The following MYL2 variants were observed in gnomAD, a reference collection of about 807,000 sequenced individuals.
The protein encoded by MYL2 is myosin light chain 2.
MYL2 carries 19 observed loss-of-function variants against 23.0 expected under a neutral mutation model. The ratio of observed to expected loss-of-function variants is 0.83; its 90% CI spans 0.58 to 1.21. The LOEUF (loss-of-function observed/expected upper bound fraction) is 1.21, where lower values mean the gene tolerates loss of function less well. MYL2 is among the 50% of genes most tolerant of loss of function. The probability of loss-of-function intolerance (pLI) is 0.00; values close to 1 mark genes in which losing one functional copy is unlikely to be tolerated. For synonymous variants in MYL2, 78 were observed against 76.2 expected (o/e 1.02, Z -0.13); for missense variants, 180 against 215.1 (o/e 0.84, Z 1.02).
chr12:110,917,494 A>G lies in MYL2; in HGVS notation c.93+1610T>C, dbSNP rs536156115. 2.7e-5 allele frequency among the ~76,000 whole-genome samples: 4 copies of G among 146,522 alleles called. No homozygotes were observed. The East Asian group carries it at 6.4e-4, about 23-fold the overall frequency. On this transcript the variant is annotated intron_variant, in intron 2 of 6. Coordinates refer to ENST00000228841, the MANE Select transcript of MYL2 (RefSeq NM_000432.4). ...ACCTGTAATCCCATTTACTCAGACAAACAAACAAACAAACAAACAAACAAA... is the reference window on the plus strand; with the variant it reads ...ACCTGTAATCCCATTTACTCAGACAGACAAACAAACAAACAAACAAACAAA...
chr12:110,921,013 TC>T (rs1357244862), upstream of MYL2, among the ~76,000 whole-genome samples: 8 of 152,214 alleles, frequency 5.3e-5, no homozygotes, highest in African/African-American at 1.9e-4. Context: ...CTTCACTGCA[TC>T]TTTGCTCATA....
At chr12:110,915,889 T>C in intron 2 of MYL2, 99 bp from the exon 3 acceptor site, 1 of 944,418 alleles carries the variant, frequency 1.1e-6, no homozygotes, top group Non-Finnish European at 1.8e-6. Context: ...TTCTGGGATC[T>C]TCAAAGATCA....
intron 6 of MYL2, 76 bp from the exon 7 acceptor site, chr12:110,911,251 G>A (rs2071651021): frequency 8.5e-6 from 3 of 352,362 alleles, no homozygotes; most frequent in South Asian, 5.4e-5. Context: ...TGTGGGCGGG[G>A]CCTGAGTGGA....
At chr12:110,920,452 C>A in intron 1 of MYL2, 75 bp downstream of exon 1, 2 of 1,610,068 alleles carry the variant, frequency 1.2e-6, no homozygotes, top group Non-Finnish European at 1.7e-6. Context: ...CCCCCTCCGC[C>A]GTGGTCCCTC....
At chr12:110,916,718 T>C (rs1180011540) in intron 2 of MYL2, among the ~76,000 whole-genome samples, 1 of 152,136 alleles carries the variant, frequency 6.6e-6, no homozygotes, top group Non-Finnish European at 1.5e-5. Context: ...TCGGGGGTGA[T>C]GGAAATATTC....
chr12:110,917,125 T>TGTGA lies in MYL2; in HGVS notation c.94-1339_94-1336dup, dbSNP rs200827934. Among the ~76,000 whole-genome samples the TGTGA allele has an allele frequency of 7.8e-3, 1,184 of 151,870 alleles. 24 individuals carry two copies. Among genetic ancestry groups the TGTGA allele is most frequent in the East Asian group, 0.053 (270 of 5,096 alleles). ...CCTCCCAAAGTGCTGTGATTGCAGG[T>TGTGA]GTGAGCCACTGTGCCTGGCCCGTGA... is the stretch of plus-strand genomic sequence containing the variant. On this transcript the variant is annotated intron_variant, in intron 2 of 6. Coordinates refer to ENST00000228841, the MANE Select transcript of MYL2 (RefSeq NM_000432.4).
At position 110,918,429 on chromosome 12, in the gene MYL2, A is replaced by G. The variant is rs544186863; in HGVS notation, c.93+675T>C. Among the ~76,000 whole-genome samples the G allele has an allele frequency of 6.6e-6, 1 of 152,304 alleles. No individual in the cohort carries two copies. Among genetic ancestry groups the G allele is most frequent in the South Asian group, 2.1e-4 (1 of 4,822 alleles). ...CCAGCGTTGATGGAAATGTGGGGAAAGGCACGAGGCTGCTGGGCATAGGAA... is the reference window on the plus strand; with the variant it reads ...CCAGCGTTGATGGAAATGTGGGGAAGGGCACGAGGCTGCTGGGCATAGGAA... On this transcript the variant is annotated intron_variant, in intron 2 of 6. Transcript: ENST00000228841. The surrounding 1 kb of genome is among the most constrained non-coding windows in gnomAD (Gnocchi z 4.4).
At chr12:110,919,417 C>T (rs2071706455) in intron 1 of MYL2, among the ~76,000 whole-genome samples, 2 of 152,160 alleles carry the variant, frequency 1.3e-5, no homozygotes, top group South Asian at 2.1e-4. Flanking sequence ...GGATCATAAG[C>T]GTTTGTGCAT....
chr12:110,920,574 C>T lies in MYL2; in HGVS notation c.-45G>A, dbSNP rs2136779435. On this transcript the variant is annotated 5_prime_UTR_variant, in exon 1 of 7. Coordinates refer to ENST00000228841, the MANE Select transcript of MYL2 (RefSeq NM_000432.4). ...TGCCTCCCGAGAAGAATTCCACACT[C>T]CGCCCAGCTCTCTGCAGCCCAGGAA... 1.2e-6 allele frequency: 2 copies of T among 1,614,150 alleles called. No homozygotes were observed. Among genetic ancestry groups the T allele is most frequent in the Admixed American group, 1.7e-5 (1 of 60,028 alleles).
chr12:110,916,610 C>G (rs1202777973), intron 2 of MYL2, among the ~76,000 whole-genome samples: 1 of 152,118 alleles, frequency 6.6e-6, no homozygotes, highest in Non-Finnish European at 1.5e-5. Context: ...ATGTCCAGAA[C>G]AGGAAATTCA....
In MYL2 at chr12:110,920,557, G is replaced by A. The variant is rs377590769; in HGVS notation, c.-28C>T. ...TGGAAAGGACCCAGCACTGCCTCCC[G>A]AGAAGAATTCCACACTCCGCCCAGC... On this transcript the variant is annotated 5_prime_UTR_variant, in exon 1 of 7. Coordinates refer to ENST00000228841, the MANE Select transcript of MYL2 (RefSeq NM_000432.4). 98 of 1,613,958 alleles carry A rather than the reference G, an allele frequency of 6.1e-5. 2 individuals carry two copies. The East Asian group carries it at 1.7e-3, about 28-fold the overall frequency.
chr12:110,918,922 A>C lies in MYL2; in HGVS notation c.93+182T>G. The C allele has an allele frequency of 1.7e-6, 1 of 602,262 alleles. No individual in the cohort carries two copies. Among genetic ancestry groups the C allele is most frequent in the South Asian group, 2.0e-5 (1 of 49,892 alleles). The allele number at this position is 602,262 out of a possible 1,614,324, so 37.3% of individuals were successfully genotyped here. ...TGGAATATGTTTTACTTTGATAATC[A>C]GTGAAAATATTAAAAATAGTTTCTT... On this transcript the variant is annotated intron_variant, in intron 2 of 6. Coordinates refer to ENST00000228841, the MANE Select transcript of MYL2 (RefSeq NM_000432.4). The surrounding 1 kb of genome is among the most constrained non-coding windows in gnomAD (Gnocchi z 4.4).
rs121913658 is a variant in MYL2 at position 110,913,316 on chromosome 12, G to C, written c.283C>G (p.Pro95Ala). 3 of 1,614,082 alleles carry C rather than the reference G, an allele frequency of 1.9e-6. No individual in the cohort carries two copies. The highest frequency in any genetic ancestry group is 2.5e-6 in the Non-Finnish European group (3 of 1,180,042). ...MFGEKLKGADPEETILNAFKV... is the reference protein window; with the variant it reads ...MFGEKLKGADAEETILNAFKV... ...AATGCGTTGAGAATGGTTTCCTCAG[G>C]GTCCGCTCCTGAAACGGAACACAGG... Residue 95 changes from proline to alanine, a missense_variant, in exon 5 of 7, where the codon CCT (proline) becomes GCT (alanine). Transcript: ENST00000228841.
chr12:110,920,981 G>A (rs1398598956), upstream of MYL2, among the ~76,000 whole-genome samples: 1 of 152,192 alleles, frequency 6.6e-6, no homozygotes, highest in Admixed American at 6.5e-5. Context: ...GTCAGTCATC[G>A]CACGGCTCCT....
At chr12:110,914,441 G>T in intron 3 of MYL2, 151 bp from the exon 4 acceptor site, 2 of 668,698 alleles carry the variant, frequency 3.0e-6, no homozygotes. Context: ...TTTCTGAGAA[G>T]ATGTTCTTGA....
intron 2 of MYL2, among the ~76,000 whole-genome samples, chr12:110,917,802 G>A (rs3782888): frequency 0.12 from 18,544 of 152,060 alleles, 1,418 homozygotes; most frequent in East Asian, 0.21. Context: ...AGCACACTAG[G>A]GCAGGGTGTA....
rs2136767379 is a variant in MYL2, at chr12:110,911,022, G to T, written c.*55C>A. On this transcript the variant is annotated 3_prime_UTR_variant, in exon 7 of 7. Coordinates refer to ENST00000228841, the MANE Select transcript of MYL2 (RefSeq NM_000432.4). ...GAGGCGGTACTCGGGGGAGAGAGAT[G>T]AGGGCAGGGACCACTCTGCAAAGAC... is the stretch of plus-strand genomic sequence containing the variant. 2.1e-6 allele frequency: 3 copies of T among 1,461,982 alleles called. No individual in the cohort carries two copies. The highest frequency in any genetic ancestry group is 1.1e-5 in the South Asian group (1 of 88,052). The allele number at this position is 1,461,982 out of a possible 1,614,324, so 90.6% of individuals were successfully genotyped here.
chr12:110,915,743 G>A lies in MYL2; in HGVS notation c.141C>T (p.Asn47=), dbSNP rs199474808. The A allele has an allele frequency of 4.3e-6, 7 of 1,614,036 alleles. No individual in the cohort carries two copies. Among genetic ancestry groups the A allele is most frequent in the South Asian group, 2.2e-5 (2 of 91,088 alleles). Residue 47 remains asparagine, a synonymous_variant, in exon 3 of 7, where the codon AAC becomes AAT. Coordinates refer to ENST00000228841, the MANE Select transcript of MYL2 (RefSeq NM_000432.4). ...DQNRDGFIDK[N]DLRDTFAALG... is the part of the protein sequence containing the mutation. ...GGGCAGCAAAGGTGTCTCTCAGATC[G>A]TTCTTGTCAATGAAGCCATCCCTGT...
chr12:110,921,381 C>T (rs116160246), upstream of MYL2, among the ~76,000 whole-genome samples: 441 of 152,240 alleles, frequency 2.9e-3, 3 homozygotes, highest in African/African-American at 0.01. Context: ...AATAACACAG[C>T]CACGCACCTC....
Sources: allele counts gnomAD v4.1 joint callset (sites outside exome capture counted in the v4.1 genomes callset), GRCh38; gene constraint gnomAD v4.1.1; non-coding constraint Gnocchi (gnomAD v3.1); transcripts MANE v1.5; gene names NCBI Gene and HGNC (gene_info 2026-07-23, HGNC 2026-07-21).